The following NOP58 variants were observed in gnomAD, a reference collection of about 807,000 sequenced individuals.
NOP58 encodes NOP58 ribonucleoprotein.
A neutral mutation model predicts 71.2 loss-of-function variants in NOP58; 44 were observed. That is an observed-to-expected ratio of 0.62 (90% CI 0.49 to 0.79). The LOEUF (loss-of-function observed/expected upper bound fraction) is 0.79, where lower values mean the gene tolerates loss of function less well. NOP58 is among the 30% of genes least tolerant of loss of function. NOP58 has a pLI of 0.00. For missense variants in NOP58, 538 were observed against 620.2 expected (o/e 0.87, Z 1.41); for synonymous variants, 228 against 200.3 (o/e 1.14, Z -1.17).
At chr2:202,270,201 C>G (rs1462661517) in intron 1 of NOP58, among the ~76,000 whole-genome samples, 1 of 152,220 alleles carries the variant, frequency 6.6e-6, no homozygotes, top group Non-Finnish European at 1.5e-5. Context: ...CTGCTCTAGA[C>G]AACCACTGTT....
intron 2 of NOP58, 174 bp downstream of exon 2, chr2:202,275,363 G>A: frequency 3.8e-6 from 2 of 523,818 alleles, no homozygotes; most frequent in South Asian, 2.5e-5. Flanking sequence ...TGGAATATAG[G>A]CCATCTCAAT....
In NOP58 at chr2:202,283,527, G is replaced by A. The variant is rs555386633; in HGVS notation, c.298-818G>A. 9.3e-5 allele frequency among the ~76,000 whole-genome samples: 14 copies of A among 150,754 alleles called. No homozygotes were observed. The South Asian group carries it at 2.3e-3, about 25-fold the overall frequency. On this transcript the variant is annotated intron_variant, in intron 4 of 14. Coordinates refer to ENST00000264279, the MANE Select transcript of NOP58 (RefSeq NM_015934.5). ...TCAGTCTTGGCTCACTGCAACCTCC[G>A]CCTCCTGGGTTGAAGTGATTCTCCT...
chr2:202,274,936 A>G (rs1433542829), intron 1 of NOP58, among the ~76,000 whole-genome samples, 177 bp from the exon 2 acceptor site: 1 of 152,168 alleles, frequency 6.6e-6, no homozygotes, highest in South Asian at 2.1e-4. Context: ...TAAATGGGCA[A>G]TTCGAACTAG....
chr2:202,269,274 C>T (rs1425594344), intron 1 of NOP58, among the ~76,000 whole-genome samples: 3 of 149,206 alleles, frequency 2.0e-5, no homozygotes, highest in Non-Finnish European at 4.5e-5. Context: ...TGGGTTCAAA[C>T]GATTTTCCTG....
chr2:202,300,158 TTTTC>T, intron 12 of NOP58, 72 bp from the exon 13 acceptor site: 2 of 1,285,664 alleles, frequency 1.6e-6, no homozygotes, highest in Non-Finnish European at 2.2e-6. Flanking sequence ...TCTAATGGCA[TTTTC>T]TTTATCTCTT....
intron 7 of NOP58, 114 bp downstream of exon 7, chr2:202,290,571 G>T (rs1249358519): frequency 1.1e-6 from 1 of 888,492 alleles, no homozygotes; most frequent in African/African-American, 1.7e-5. Context: ...TGCAATTTCT[G>T]TGTATTTGGG....
chr2:202,291,608 C>G (rs1436110733), intron 8 of NOP58, among the ~76,000 whole-genome samples: 5 of 151,882 alleles, frequency 3.3e-5, no homozygotes, highest in East Asian at 1.9e-4. Flanking sequence ...GAGTTCGAGA[C>G]CAGCCTGACC....
At chr2:202,269,501 G>T (rs1397549887) in intron 1 of NOP58, among the ~76,000 whole-genome samples, 3 of 152,044 alleles carry the variant, frequency 2.0e-5, no homozygotes, top group African/African-American at 7.2e-5. Context: ...AAAAGTTATT[G>T]CTCATTAACA....
At chr2:202,269,515 T>TTA (rs763968233) in intron 1 of NOP58, among the ~76,000 whole-genome samples, 93 of 151,836 alleles carry the variant, frequency 6.1e-4, no homozygotes, top group African/African-American at 2.1e-3. Flanking sequence ...ATTAACAGGG[T>TTA]TATATATATA....
intron 9 of NOP58, chr2:202,293,276 GAA>G (rs61054070): frequency 3.4e-6 from 1 of 295,820 alleles, no homozygotes; most frequent in Non-Finnish European, 6.7e-6. Flanking sequence ...TGTAGAGAAA[GAA>G]AAAAAAAAGA....
At chr2:202,300,978 G>A (rs1337664082) in intron 13 of NOP58, among the ~76,000 whole-genome samples, 1 of 152,166 alleles carries the variant, frequency 6.6e-6, no homozygotes, top group Non-Finnish European at 1.5e-5. Context: ...GTGGTCAAAA[G>A]TATATGATCT....
chr2:202,281,932 A>G lies in NOP58; in HGVS notation c.176-419A>G, dbSNP rs150736064. Among the ~76,000 whole-genome samples the G allele has an allele frequency of 7.1e-4, 108 of 152,338 alleles. 1 individual carries two copies. The highest frequency in any genetic ancestry group is 2.5e-3 in the African/African-American group (105 of 41,582). ...AAGGCCTTCACTCAAACATGTTTAT[A>G]TTATGGCAGAACTTTGAAAATGATT... On this transcript the variant is annotated intron_variant, in intron 3 of 14. Coordinates refer to ENST00000264279, the MANE Select transcript of NOP58 (RefSeq NM_015934.5).
intron 1 of NOP58, among the ~76,000 whole-genome samples, chr2:202,274,313 T>A (rs13012390): frequency 6.6e-6 from 1 of 151,792 alleles, no homozygotes. Flanking sequence ...CTGCAACCTC[T>A]GCCTCCGGGT....
chr2:202,287,540 T>C (rs895955345), intron 5 of NOP58, 120 bp from the exon 6 acceptor site: 5 of 678,136 alleles, frequency 7.4e-6, no homozygotes, highest in Non-Finnish European at 1.3e-5. Flanking sequence ...AAAAACCAAT[T>C]ACAGCTCTGA....
At chr2:202,280,801 G>A (rs962095817) in intron 3 of NOP58, among the ~76,000 whole-genome samples, 2 of 137,808 alleles carry the variant, frequency 1.5e-5, no homozygotes, top group Non-Finnish European at 3.0e-5. Context: ...ACTGATCTTC[G>A]GCTGGAGTAC....
chr2:202,293,287 G>T (rs967210114), intron 9 of NOP58, among the ~76,000 whole-genome samples: 3 of 150,428 alleles, frequency 2.0e-5, no homozygotes, highest in African/African-American at 7.5e-5. Context: ...AAAAAAAAAA[G>T]AAATCACTGT....
intron 10 of NOP58, among the ~76,000 whole-genome samples, chr2:202,296,972 A>G (rs1398425669): frequency 6.6e-6 from 1 of 152,098 alleles, no homozygotes; most frequent in Non-Finnish European, 1.5e-5. Context: ...TGACCTCGTG[A>G]TCCACTCGCC....
At chr2:202,278,987 A>G (rs1688654834) in intron 3 of NOP58, among the ~76,000 whole-genome samples, 1 of 152,198 alleles carries the variant, frequency 6.6e-6, no homozygotes, top group African/African-American at 2.4e-5. Flanking sequence ...CCAACTCTTC[A>G]GTAATTAGAG....
intron 1 of NOP58, among the ~76,000 whole-genome samples, chr2:202,268,817 A>C (rs965452343): frequency 6.6e-6 from 1 of 151,764 alleles, no homozygotes; most frequent in African/African-American, 2.4e-5. Flanking sequence ...CTCCATGTTG[A>C]GGCTGGTCTC....
Sources: gnomAD v4.1 joint callset for allele counts (sites outside exome capture counted in the v4.1 genomes callset) on GRCh38, gnomAD v4.1.1 for gene constraint, MANE v1.5 for transcripts, NCBI Gene and HGNC (gene_info 2026-07-23, HGNC 2026-07-21) for gene names.